The following RESP18 variants were observed in gnomAD, a reference collection of about 807,000 sequenced individuals.
RESP18 encodes regulated endocrine specific protein 18.
RESP18 carries 30 observed loss-of-function variants against 30.0 expected under a neutral mutation model. The ratio of observed to expected loss-of-function variants is 1.00; its 90% confidence interval spans 0.75 to 1.36. RESP18 has a LOEUF of 1.36. Among genes scored for constraint, RESP18 ranks in the 40% most tolerant of loss-of-function variants. The pLI is 0.00. For synonymous variants in RESP18, 117 were observed against 111.2 expected, an observed-to-expected ratio of 1.05 and a Z score of -0.33; for missense variants, 320 against 284.2, an observed-to-expected ratio of 1.13 and a Z score of -0.91.
At chr2:219,333,135 A>G (rs1409280842) in intron 1 of RESP18, 4 of 1,455,580 alleles carry the variant, frequency 2.7e-6, no homozygotes, top group Non-Finnish European at 3.7e-6. Context: ...ATTATATATT[A>G]TATATGGCAC....
intron 3 of RESP18, 96 bp from the exon 3 acceptor site, chr2:219,329,860 T>A: frequency 8.2e-7 from 1 of 1,223,564 alleles, no homozygotes; most frequent in Admixed American, 2.5e-5. Context: ...TATATTAGAT[T>A]ACATTTTACA....
Position 219,333,114 on chromosome 2 carries a change from T to TAA in RESP18, c.17+45_17+46dup, listed in dbSNP as rs1380101371. The TAA allele has an allele frequency of 2.5e-5, 20 of 812,582 alleles. No individual in the cohort carries two copies. In the Admixed American group the frequency reaches 5.6e-4, roughly 23 times the overall value. 50.3% of individuals were successfully genotyped at this position (812,582 alleles called of 1,614,324 possible). On this transcript the variant is annotated intron_variant, in intron 1 of 6. Coordinates refer to ENST00000333527, the MANE Select transcript of RESP18 (RefSeq NM_001007089.4). ...GTTCGATCTGCTATATATATATATA[T>TAA]AATATTATATATTATATATTATATA...
intron 2 of RESP18, chr2:219,331,085 C>T (rs1164500804): frequency 4.0e-6 from 2 of 500,514 alleles, no homozygotes. Context: ...CTCATTCACT[C>T]TTGGTACCAA....
rs1160511766 is a variant in RESP18, at chr2:219,333,118, ATTAT to A, written c.17+39_17+42del. On this transcript the variant is annotated intron_variant, in intron 1 of 6. Transcript: ENST00000333527. ...GATCTGCTATATATATATATATAAT[ATTAT>A]ATATTATATATTATATATGGCACAT... 21 of 840,770 alleles carry A rather than the reference ATTAT, an allele frequency of 2.5e-5. No individual in the cohort carries two copies. In the African/African-American group the frequency reaches 9.3e-4, roughly 37 times the overall value. 52.1% of individuals were successfully genotyped at this position (840,770 alleles called of 1,614,324 possible). A position where few individuals can be genotyped will look rare whatever the true frequency, so the allele number is the denominator to read the frequency against.
rs370404556 is a variant in RESP18 at position 219,329,092 on chromosome 2, C to T, written c.555+71G>A. On this transcript the variant is annotated intron_variant, in intron 5 of 6. Coordinates refer to ENST00000333527, the MANE Select transcript of RESP18 (RefSeq NM_001007089.4). The stretch of plus-strand genomic sequence containing the variant: ...AGCGATCTGCCCTCACCTCAATGCC[C>T]ATTCCCTTCTTCCTATCTGCCTCCC... 49 of 1,475,408 alleles carry T rather than the reference C, an allele frequency of 3.3e-5. 3 individuals carry two copies. The highest frequency in any genetic ancestry group is 2.5e-4 in the East Asian group (10 of 40,552). 91.4% of individuals were successfully genotyped at this position (1,475,408 alleles called of 1,614,324 possible). A position where few individuals can be genotyped will look rare whatever the true frequency, so the allele number is the denominator to read the frequency against.
intron 1 of RESP18, chr2:219,333,056 TG>T: frequency 2.0e-6 from 2 of 1,023,626 alleles, no homozygotes; most frequent in Non-Finnish European, 1.4e-6. Flanking sequence ...CTCTTTACTC[TG>T]GCCCACTTAA....
intron 5 of RESP18, 30 bp downstream of exon 4, chr2:219,329,133 C>T: frequency 1.3e-6 from 2 of 1,541,060 alleles, no homozygotes; most frequent in Non-Finnish European, 1.8e-6. Context: ...TAAACAGGTC[C>T]AACCTCCCTA....
chr2:219,329,171 G>C lies in RESP18; in HGVS notation c.547C>G (p.Pro183Ala). 1.3e-6 allele frequency: 2 copies of C among 1,551,456 alleles called. No individual in the cohort carries two copies. Among genetic ancestry groups the C allele is most frequent in the African/African-American group, 1.4e-5 (1 of 73,152 alleles). Residue 183 changes from proline to alanine, a missense_variant, in exon 5 of 7, where the codon CCT (proline) becomes GCT (alanine). Physicochemically the swap from Pro to Ala is conservative, Grantham distance 27. Coordinates refer to ENST00000333527, the MANE Select transcript of RESP18 (RefSeq NM_001007089.4). Reference sequence around the variant, plus strand: ...AAAAGTGAGCCCCTCACCTTGACAGGGTTGGCCACCTCTTGTTTCAGGGCC... The same window carrying C: ...AAAAGTGAGCCCCTCACCTTGACAGCGTTGGCCACCTCTTGTTTCAGGGCC...
rs1189027401 is a variant in RESP18, at chr2:219,329,221, C to T, written c.497G>A (p.Cys166Tyr). Residue 166 changes from cysteine to tyrosine, a missense_variant, in exon 5 of 7, where the codon TGC (cysteine) becomes TAC (tyrosine). Transcript: ENST00000333527. Reference sequence around the variant, plus strand: ...CTTAGAAACCACTTCGGAGGTAAAGCACTGATCCCTGTTCACCTTGGCCAG... The same window carrying T: ...CTTAGAAACCACTTCGGAGGTAAAGTACTGATCCCTGTTCACCTTGGCCAG... 2 of 1,551,686 alleles carry T rather than the reference C, an allele frequency of 1.3e-6. No homozygotes were observed. The highest frequency in any genetic ancestry group is 1.2e-5 in the South Asian group (1 of 84,068).
rs1952822533 is a variant in RESP18, at chr2:219,330,776, G to T, written c.332C>A (p.Pro111His). 3.9e-6 allele frequency: 6 copies of T among 1,546,808 alleles called. No homozygotes were observed. The East Asian group carries it at 1.5e-4, about 38-fold the overall frequency. The change falls in exon 3 of 7, where the codon CCC (proline) becomes CAC (histidine). Residue 111 changes from proline (P) to histidine (H), a missense_variant. Transcript: ENST00000333527. ...GTTCTCCAGCTTTTACTTACCTTGG[G>T]GTATAATCTGCTGGAGCACAACCTG...
At chr2:219,332,483 C>A in intron 2 of RESP18, 41 bp downstream of exon 1, 1 of 1,484,738 alleles carries the variant, frequency 6.7e-7, no homozygotes. Flanking sequence ...CTCAGGATCG[C>A]TTTCTTGGCC....
In RESP18 at chr2:219,329,712, C is replaced by T. The variant is rs1380116502; in HGVS notation, c.390G>A (p.Glu130=). 1.3e-6 allele frequency: 2 copies of T among 1,551,628 alleles called. No individual in the cohort carries two copies. The highest frequency in any genetic ancestry group is 1.7e-6 in the Non-Finnish European group (2 of 1,146,944). ...CTTGGGGATGCAGTCTGCTGGCATGCTCCATCTTTTGGATCATTGCATCCT... is the reference window on the plus strand; with the variant it reads ...CTTGGGGATGCAGTCTGCTGGCATGTTCCATCTTTTGGATCATTGCATCCT... Residue 130 remains glutamate, a synonymous_variant, in exon 4 of 7, where the codon GAG becomes GAA. Coordinates refer to ENST00000333527, the MANE Select transcript of RESP18 (RefSeq NM_001007089.4).
In RESP18 at chr2:219,329,630, A is replaced by G; in HGVS notation, c.465+7T>C. On this transcript the variant is annotated splice_region_variant and intron_variant, in intron 4 of 6. Transcript: ENST00000333527. The stretch of plus-strand genomic sequence containing the variant: ...CTTGGAATGACCACAGGCCTCATGC[A>G]CCTCACCTCAGTGGTTTTAGTGGGG... 1 of 1,551,290 alleles carries G rather than the reference A, an allele frequency of 6.4e-7. No individual in the cohort carries two copies. Among genetic ancestry groups the G allele is most frequent in the Non-Finnish European group, 8.7e-7 (1 of 1,146,930 alleles).
chr2:219,329,105 C>T (rs763157745), intron 5 of RESP18, 58 bp downstream of exon 4: 4 of 1,499,162 alleles, frequency 2.7e-6, no homozygotes, highest in Non-Finnish European at 3.6e-6. Context: ...TCCCTTCTTC[C>T]TATCTGCCTC....
At chr2:219,328,159 CAT>C (rs926049363) in intron 6 of RESP18, among the ~76,000 whole-genome samples, 6 of 152,248 alleles carry the variant, frequency 3.9e-5, no homozygotes, top group Non-Finnish European at 5.9e-5. Flanking sequence ...CTTTTAAAAT[CAT>C]ATCACGTTGT....
chr2:219,329,314 A>G (rs1197908405), intron 4 of RESP18, 62 bp from the exon 4 acceptor site: 1 of 1,551,770 alleles, frequency 6.4e-7, no homozygotes, highest in South Asian at 1.2e-5. Flanking sequence ...GCCCCACAGG[A>G]AAAGCAATTG....
In RESP18 at chr2:219,328,992, G is replaced by T; in HGVS notation, c.572C>A (p.Ser191Ter). Residue 191 changes from serine to a stop codon, truncating the protein, a stop_gained, in exon 6 of 7, where the codon TCA becomes TAA. Coordinates refer to ENST00000333527, the MANE Select transcript of RESP18 (RefSeq NM_001007089.4). LOFTEE classifies it high-confidence loss of function. ...CTGCATCATGTCCAGCCCCCCATAT[G>T]AACACCTATAGGTAATCTGAGAGAT... 1 of 1,550,500 alleles carries T rather than the reference G, an allele frequency of 6.4e-7. No individual in the cohort carries two copies. The highest frequency in any genetic ancestry group is 1.2e-5 in the South Asian group (1 of 84,012).
At chr2:219,331,584 A>C (rs1403774610) in intron 2 of RESP18, among the ~76,000 whole-genome samples, 1 of 152,198 alleles carries the variant, frequency 6.6e-6, no homozygotes, top group Non-Finnish European at 1.5e-5. Context: ...ACATTTGGGG[A>C]TGAGAAAGCC....
intron 1 of RESP18, chr2:219,333,059 C>A: frequency 9.5e-7 from 1 of 1,054,080 alleles, no homozygotes; most frequent in Non-Finnish European, 1.3e-6. Context: ...TTTACTCTGG[C>A]CCACTTAAAA....
Sources: allele counts gnomAD v4.1 joint callset (sites outside exome capture counted in the v4.1 genomes callset), GRCh38; gene constraint gnomAD v4.1.1; transcripts MANE v1.5; gene names NCBI Gene and HGNC (gene_info 2026-07-23, HGNC 2026-07-21).